Variants in RABGAP1L observed in about 807,000 individuals in gnomAD.
RABGAP1L encodes the protein RAB GTPase activating protein 1 like.
In RABGAP1L, 63 loss-of-function variants were observed where a neutral mutation model predicts 137.7. That is an observed-to-expected ratio of 0.46 (90% CI 0.37 to 0.56). RABGAP1L has a LOEUF of 0.56. Ranked by LOEUF, RABGAP1L falls within the 20% of genes least tolerant of loss-of-function variation. The pLI is 0.00. For synonymous variants in RABGAP1L, 431 were observed against 433.7 expected (o/e 0.99, Z 0.08); for missense variants, 1,095 against 1,244.0 (o/e 0.88, Z 1.80).
intron 13 of RABGAP1L, among the ~76,000 whole-genome samples, chr1:174,500,925 C>T (rs1661203183): frequency 6.6e-6 from 1 of 152,128 alleles, no homozygotes; most frequent in Non-Finnish European, 1.5e-5. Context: ...TTACCTGCCG[C>T]TGACATTAAA....
intron 13 of RABGAP1L, among the ~76,000 whole-genome samples, chr1:174,453,627 G>A (rs1655693771): frequency 6.6e-6 from 1 of 152,132 alleles, no homozygotes; most frequent in Non-Finnish European, 1.5e-5. Flanking sequence ...GGTTCCAAAA[G>A]ATGCTCTTTT....
At chr1:174,437,710 T>TA (rs1414763589) in intron 13 of RABGAP1L, among the ~76,000 whole-genome samples, 10 of 151,826 alleles carry the variant, frequency 6.6e-5, no homozygotes, top group Non-Finnish European at 1.2e-4. Context: ...ATTCAGGAAA[T>TA]ACAGAGAAAA....
intron 14 of RABGAP1L, among the ~76,000 whole-genome samples, chr1:174,645,709 T>C (rs1674914188): frequency 6.6e-6 from 1 of 152,144 alleles, no homozygotes. Flanking sequence ...AGTAGAATGA[T>C]TTATAATCCT....
intron 21 of RABGAP1L, among the ~76,000 whole-genome samples, chr1:174,970,911 GTATTTTTT>G (rs1475711967): frequency 2.0e-5 from 3 of 151,790 alleles, no homozygotes; most frequent in Non-Finnish European, 2.9e-5. Flanking sequence ...TAATGATAAA[GTATTTTTT>G]TAAAAAATAC....
intron 15 of RABGAP1L, among the ~76,000 whole-genome samples, chr1:174,684,316 G>C (rs1678302853): frequency 6.6e-6 from 1 of 152,120 alleles, no homozygotes; most frequent in Admixed American, 6.5e-5. Flanking sequence ...TGTCAAGACA[G>C]AAATGAGATT....
intron 24 of RABGAP1L, 118 bp downstream of exon 24, chr1:174,983,023 T>C (rs1671266959): frequency 9.3e-7 from 1 of 1,076,018 alleles, no homozygotes; most frequent in Non-Finnish European, 1.4e-6. Context: ...ATAGGAATTA[T>C]GGAGACTAGG....
intron 19 of RABGAP1L, among the ~76,000 whole-genome samples, chr1:174,868,678 T>A (rs1651695486): frequency 6.6e-6 from 1 of 152,196 alleles, no homozygotes; most frequent in African/African-American, 2.4e-5. Flanking sequence ...CAAATGCTCT[T>A]TTTTCCCTGT....
chr1:174,275,436 C>G (rs1674909155), intron 8 of RABGAP1L, among the ~76,000 whole-genome samples: 1 of 152,082 alleles, frequency 6.6e-6, no homozygotes, highest in Non-Finnish European at 1.5e-5. Flanking sequence ...GCTACTAGTT[C>G]AGTTTAACTG....
intron 11 of RABGAP1L, among the ~76,000 whole-genome samples, chr1:174,353,179 G>T (rs932112085): frequency 2.0e-5 from 3 of 152,172 alleles, no homozygotes; most frequent in Non-Finnish European, 2.9e-5. Context: ...CCTAGAGTGT[G>T]TCGTGAAATG....
At chr1:174,967,820 T>C (rs767025179) in intron 20 of RABGAP1L, among the ~76,000 whole-genome samples, 1 of 152,096 alleles carries the variant, frequency 6.6e-6, no homozygotes. Context: ...TAGAATTCTA[T>C]TGTGAATTTA....
At chr1:174,510,990 T>C (rs1480716455) in intron 13 of RABGAP1L, among the ~76,000 whole-genome samples, 1 of 152,174 alleles carries the variant, frequency 6.6e-6, no homozygotes, top group Non-Finnish European at 1.5e-5. Context: ...AAAAGCAGAA[T>C]CATGATGAAA....
intron 19 of RABGAP1L, among the ~76,000 whole-genome samples, chr1:174,944,644 T>TAAA (rs71815856): frequency 3.3e-5 from 4 of 119,646 alleles, no homozygotes; most frequent in African/African-American, 2.8e-5. Context: ...CTCAAAAAAT[T>TAAA]AAAAAAAAAA....
chr1:174,884,750 C>T (rs1168836188), intron 19 of RABGAP1L, among the ~76,000 whole-genome samples: 1 of 152,220 alleles, frequency 6.6e-6, no homozygotes, highest in Non-Finnish European at 1.5e-5. Flanking sequence ...TGCTGGCAAC[C>T]ATTCTCCCTA....
At chr1:174,649,542 G>A (rs1484898342) in intron 14 of RABGAP1L, among the ~76,000 whole-genome samples, 1 of 152,030 alleles carries the variant, frequency 6.6e-6, no homozygotes, top group East Asian at 1.9e-4. Context: ...CTCTCTTCTG[G>A]CTTGTAGGGT....
intron 14 of RABGAP1L, among the ~76,000 whole-genome samples, chr1:174,678,178 T>C (rs1677779834): frequency 6.6e-6 from 1 of 152,150 alleles, no homozygotes; most frequent in Non-Finnish European, 1.5e-5. Flanking sequence ...ACACAAATTA[T>C]TTAAATTGAA....
chr1:174,800,032 A>G, intron 18 of RABGAP1L: 3 of 1,159,502 alleles, frequency 2.6e-6, no homozygotes, highest in Non-Finnish European at 3.2e-6. Flanking sequence ...CCGTTTTTAC[A>G]CATGTATCTG....
intron 11 of RABGAP1L, among the ~76,000 whole-genome samples, chr1:174,353,779 G>T (rs903256040): frequency 1.3e-5 from 2 of 152,214 alleles, no homozygotes; most frequent in Non-Finnish European, 2.9e-5. Flanking sequence ...CAACACACAG[G>T]CACTATCCAG....
chr1:174,194,106 G>T (rs1280734913), intron 1 of RABGAP1L, among the ~76,000 whole-genome samples: 1 of 152,154 alleles, frequency 6.6e-6, no homozygotes, highest in Admixed American at 6.5e-5. Flanking sequence ...ACACTGACCT[G>T]CTTGGCTTTG....
At chr1:174,692,913 A>T (rs2148502113) in intron 15 of RABGAP1L, among the ~76,000 whole-genome samples, 1 of 152,296 alleles carries the variant, frequency 6.6e-6, no homozygotes, top group East Asian at 1.9e-4. Flanking sequence ...TTAGGCATTA[A>T]AAGAGGTTGC....
Sources: gnomAD v4.1 joint callset for allele counts (sites outside exome capture counted in the v4.1 genomes callset) on GRCh38, gnomAD v4.1.1 for gene constraint, MANE v1.5 for transcripts, NCBI Gene and HGNC (gene_info 2026-07-23, HGNC 2026-07-21) for gene names.